The following XG variants were observed in gnomAD, a reference collection of about 807,000 sequenced individuals.
XG encodes the protein Xg glycoprotein (Xg blood group).
Under a neutral mutation model 25.7 loss-of-function variants are expected in XG, and 24 were observed. The observed-to-expected ratio is 0.93, with a 90% CI of 0.68 to 1.31. XG has a LOEUF of 1.31. Among genes scored for constraint, XG ranks in the 40% most tolerant of loss-of-function variants. The probability of loss-of-function intolerance (pLI) is 0.00; values close to 1 mark genes in which losing one functional copy is unlikely to be tolerated. For missense variants in XG, 181 were observed against 187.6 expected, an observed-to-expected ratio of 0.96 and a Z score of 0.21; for synonymous variants, 77 against 69.2, an observed-to-expected ratio of 1.11 and a Z score of -0.56.
At chrX:2,773,048 G>A (rs2535441) in intron 2 of XG, among the ~76,000 whole-genome samples, 83,991 of 144,390 alleles carry the variant, frequency 0.58, 24,072 homozygotes, top group South Asian at 0.67. Context: ...TTTTAAAAAG[G>A]AGACAGAGAA....
chrX:2,753,453 C>T (rs751484929), intron 1 of XG, among the ~76,000 whole-genome samples: 1 of 152,286 alleles, frequency 6.6e-6, no homozygotes, highest in East Asian at 1.9e-4. Flanking sequence ...AGTGCGGATA[C>T]AGACAGTTCC....
At chrX:2,754,605 T>C (rs372890373) in intron 1 of XG, among the ~76,000 whole-genome samples, 32 of 152,294 alleles carry the variant, frequency 2.1e-4, no homozygotes, top group African/African-American at 7.5e-4. Flanking sequence ...TTAACTCATA[T>C]GATCACAAGG....
intron 1 of XG, chrX:2,753,038 A>G: frequency 2.2e-6 from 2 of 917,810 alleles, no homozygotes; most frequent in Non-Finnish European, 2.6e-6. Context: ...GCGATTTCAG[A>G]GAAGGGAACA....
intron 1 of XG, among the ~76,000 whole-genome samples, chrX:2,760,084 G>C (rs1193715918): frequency 5.3e-5 from 8 of 152,178 alleles, no homozygotes; most frequent in African/African-American, 1.7e-4. Flanking sequence ...CTGGGAGGCA[G>C]AGGTTGCAGT....
intron 5 of XG, among the ~76,000 whole-genome samples, chrX:2,793,740 T>C (rs2086857729): frequency 9.0e-6 from 1 of 111,391 alleles, no homozygotes; most frequent in Admixed American, 9.6e-5. Flanking sequence ...TCAGACAAGA[T>C]AGTTGAGCAG....
chrX:2,805,161 A>G (rs1368984228), intron 7 of XG, among the ~76,000 whole-genome samples: 3 of 112,678 alleles, frequency 2.7e-5, no homozygotes, highest in African/African-American at 9.6e-5. Flanking sequence ...TTCTGGCTTC[A>G]TGCAGAGCAC....
At chrX:2,809,554 G>C (rs926726455) in intron 9 of XG, among the ~76,000 whole-genome samples, 1 of 112,221 alleles carries the variant, frequency 8.9e-6, no homozygotes, top group Admixed American at 9.4e-5. Flanking sequence ...AGAGGAAAAG[G>C]TATGTATCAG....
intron 2 of XG, among the ~76,000 whole-genome samples, chrX:2,771,080 C>T (rs2050807885): frequency 6.6e-6 from 1 of 152,022 alleles, no homozygotes. Flanking sequence ...TCTTGAACCC[C>T]TGGGCTCAAG....
intron 10 of XG, among the ~76,000 whole-genome samples, chrX:2,813,182 T>A (rs1301767458): frequency 9.1e-6 from 1 of 110,240 alleles, no homozygotes; most frequent in Non-Finnish European, 1.9e-5. Context: ...TGTACTTCGA[T>A]GATACCCTCA....
At chrX:2,767,358 T>G (rs1378479306) in intron 1 of XG, among the ~76,000 whole-genome samples, 2 of 152,028 alleles carry the variant, frequency 1.3e-5, no homozygotes. Flanking sequence ...CAGGAGCCAC[T>G]TAATCGACAT....
intron 7 of XG, among the ~76,000 whole-genome samples, chrX:2,798,876 TTC>T (rs1325002486): frequency 9.6e-6 from 1 of 104,627 alleles, no homozygotes; most frequent in East Asian, 2.8e-4. Context: ...GTACTTTTTT[TTC>T]TTTTTCTTTC....
chrX:2,814,383 A>G lies in XG; in HGVS notation c.*3A>G, dbSNP rs747188972. The G allele has an allele frequency of 8.3e-7, 1 of 1,204,523 alleles. No individual in the cohort carries two copies. The highest frequency in any genetic ancestry group is 1.8e-5 in the African/African-American group (1 of 56,791). On this transcript the variant is annotated 3_prime_UTR_variant, in exon 11 of 11. Coordinates refer to ENST00000644266, the MANE Select transcript of XG (RefSeq NM_001141919.2). ...TTTCAGAACCAGAAAATGTCTGAAG[A>G]TGTTAAGATCCCCTGATTACTTTGA...
intron 3 of XG, chrX:2,775,036 T>A (rs1419096103): frequency 2.5e-6 from 1 of 405,040 alleles, no homozygotes; most frequent in African/African-American, 2.0e-5. Flanking sequence ...GAGTCTAAAA[T>A]GGTACAGCCA....
intron 1 of XG, among the ~76,000 whole-genome samples, chrX:2,766,164 C>T (rs781587181): frequency 6.6e-6 from 1 of 151,850 alleles, no homozygotes; most frequent in East Asian, 1.9e-4. Context: ...TTTTTTGAGA[C>T]GGAGTCTCAC....
chrX:2,762,324 G>C (rs929537414), intron 1 of XG, among the ~76,000 whole-genome samples: 7 of 152,174 alleles, frequency 4.6e-5, no homozygotes, highest in Non-Finnish European at 1.0e-4. Context: ...GCTTCAATCT[G>C]CAACTGCATA....
chrX:2,792,545 TTGTGTGTG>T (rs146747084), intron 5 of XG, among the ~76,000 whole-genome samples: 3 of 99,747 alleles, frequency 3.0e-5, no homozygotes, highest in Admixed American at 2.3e-4. Flanking sequence ...TTCTTTTTCT[TTGTGTGTG>T]TGTGTGTGTG....
At chrX:2,810,802 G>A (rs1241993096) in intron 9 of XG, among the ~76,000 whole-genome samples, 1 of 110,799 alleles carries the variant, frequency 9.0e-6, no homozygotes, top group Non-Finnish European at 1.9e-5. Context: ...TGTAGTCCCA[G>A]CTATTCGGGA....
chrX:2,811,536 A>T (rs1473678690), intron 10 of XG, 84 bp downstream of exon 10: 2 of 704,315 alleles, frequency 2.8e-6, no homozygotes, highest in African/African-American at 4.3e-5. Context: ...TGTCACTAGC[A>T]AGGTTATTTC....
intron 1 of XG, among the ~76,000 whole-genome samples, chrX:2,759,218 G>A (rs1158524050): frequency 1.3e-5 from 2 of 152,224 alleles, no homozygotes; most frequent in Admixed American, 1.3e-4. Context: ...GACAAGGCAT[G>A]TTGTTCAACA....
Sources: gnomAD v4.1 joint callset for allele counts (sites outside exome capture counted in the v4.1 genomes callset) on GRCh38, gnomAD v4.1.1 for gene constraint, MANE v1.5 for transcripts, NCBI Gene and HGNC (gene_info 2026-07-23, HGNC 2026-07-21) for gene names.